The following JARID2 variants were observed in gnomAD, a reference collection of about 807,000 sequenced individuals.
The protein encoded by JARID2 is protein Jumonji.
In JARID2, 21 loss-of-function variants were observed where a neutral mutation model predicts 125.6. The observed-to-expected ratio is 0.17, with a 90% confidence interval of 0.12 to 0.24. JARID2 has a LOEUF of 0.24. Among genes scored for constraint, JARID2 ranks in the 10% least tolerant of loss-of-function variants. The pLI, the probability that JARID2 is intolerant of heterozygous loss-of-function variation, is 1.00. For synonymous variants in JARID2, 736 were observed against 661.6 expected (o/e 1.11, Z -1.73); for missense variants, 1,303 against 1,639.6 (o/e 0.79, Z 3.55).
chr6:15,506,286 G>A (rs950442241), intron 9 of JARID2, among the ~76,000 whole-genome samples: 2 of 152,224 alleles, frequency 1.3e-5, no homozygotes, highest in Admixed American at 6.5e-5. Context: ...CAAATACGCA[G>A]CAGGCTTGGG....
intron 1 of JARID2, among the ~76,000 whole-genome samples, chr6:15,361,511 A>AT (rs1763791294): frequency 6.6e-6 from 1 of 152,200 alleles, no homozygotes; most frequent in Non-Finnish European, 1.5e-5. Flanking sequence ...TTCTTGTATG[A>AT]TTGCAAACTG....
At chr6:15,398,458 G>A (rs1765297942) in intron 2 of JARID2, among the ~76,000 whole-genome samples, 1 of 152,116 alleles carries the variant, frequency 6.6e-6, no homozygotes. Context: ...TGTTATTCTT[G>A]GTCTTCCAGA....
intron 4 of JARID2, among the ~76,000 whole-genome samples, chr6:15,460,206 G>A (rs960891193): frequency 1.3e-5 from 2 of 152,178 alleles, no homozygotes; most frequent in Non-Finnish European, 2.9e-5. Context: ...TGAGGTCTGA[G>A]GAGGGGAAGG....
intron 1 of JARID2, among the ~76,000 whole-genome samples, chr6:15,323,978 C>A (rs568235574): frequency 2.0e-5 from 3 of 151,610 alleles, no homozygotes; most frequent in African/African-American, 7.3e-5. Context: ...GTCAGCAGAT[C>A]GAGACCATCC....
At chr6:15,338,921 T>C (rs1423570055) in intron 1 of JARID2, among the ~76,000 whole-genome samples, 3 of 152,164 alleles carry the variant, frequency 2.0e-5, no homozygotes, top group Non-Finnish European at 4.4e-5. Context: ...CACTAAAATA[T>C]TTGAACTCTC....
intron 1 of JARID2, among the ~76,000 whole-genome samples, chr6:15,251,808 T>A (rs1027397816): frequency 6.6e-6 from 1 of 151,946 alleles, no homozygotes; most frequent in Non-Finnish European, 1.5e-5. Context: ...TGAAACCCCG[T>A]CTCTACTAAA....
At chr6:15,367,756 G>T (rs1367284117) in intron 1 of JARID2, among the ~76,000 whole-genome samples, 1 of 152,220 alleles carries the variant, frequency 6.6e-6, no homozygotes, top group African/African-American at 2.4e-5. Context: ...GAGAAATCAT[G>T]ATTATTAAAT....
chr6:15,447,485 A>G (rs1390992505), intron 3 of JARID2, among the ~76,000 whole-genome samples: 1 of 152,224 alleles, frequency 6.6e-6, no homozygotes, highest in Non-Finnish European at 1.5e-5. Context: ...AGGAAGGCCC[A>G]TCCTGACTAC....
chr6:15,493,590 C>A (rs2127728270), intron 6 of JARID2, among the ~76,000 whole-genome samples: 1 of 152,268 alleles, frequency 6.6e-6, no homozygotes, highest in South Asian at 2.1e-4. Flanking sequence ...GAGGTGTTGT[C>A]TTTTGCTGTC....
At chr6:15,362,630 T>C (rs1295371402) in intron 1 of JARID2, among the ~76,000 whole-genome samples, 1 of 152,160 alleles carries the variant, frequency 6.6e-6, no homozygotes, top group Non-Finnish European at 1.5e-5. Flanking sequence ...CTTTATGGGC[T>C]CTGCAAGGAA....
At chr6:15,380,775 C>T (rs1017460355) in intron 2 of JARID2, among the ~76,000 whole-genome samples, 1 of 151,914 alleles carries the variant, frequency 6.6e-6, no homozygotes, top group East Asian at 1.9e-4. Flanking sequence ...AATGTGGGCC[C>T]GACTGTGAAT....
chr6:15,394,658 G>A (rs1225576963), intron 2 of JARID2, among the ~76,000 whole-genome samples: 2 of 152,168 alleles, frequency 1.3e-5, no homozygotes, highest in East Asian at 1.9e-4. Flanking sequence ...TGACAGTTTG[G>A]TAAATGTTAC....
rs561487701 is a variant in JARID2, at chr6:15,283,169, G to A, written c.45+36585G>A. On this transcript the variant is annotated intron_variant, in intron 1 of 17. Transcript: ENST00000341776. ...AATTTTTTGTATTTTTATTAGAGAC[G>A]GGGTTTCACCGTGTTAGCCAGGACG... 2.9e-4 allele frequency among the ~76,000 whole-genome samples: 44 copies of A among 149,448 alleles called. 1 individual carries two copies. In the East Asian group the frequency reaches 4.4e-3, roughly 15 times the overall value.
intron 3 of JARID2, among the ~76,000 whole-genome samples, chr6:15,415,620 CG>C (rs1334389419): frequency 6.8e-6 from 1 of 146,502 alleles, no homozygotes; most frequent in Non-Finnish European, 1.5e-5. Context: ...CCCTCCCGGT[CG>C]GGGCGGCTGG....
intron 5 of JARID2, among the ~76,000 whole-genome samples, chr6:15,481,025 A>G (rs1370770869): frequency 1.3e-5 from 2 of 152,198 alleles, no homozygotes; most frequent in African/African-American, 2.4e-5. Flanking sequence ...CTGCCTTTCA[A>G]ATTGTTACAG....
chr6:15,283,172 G>A (rs562788104), intron 1 of JARID2, among the ~76,000 whole-genome samples: 2,884 of 147,448 alleles, frequency 0.02, 43 homozygotes, highest in Non-Finnish European at 0.026. Context: ...TAGAGACGGG[G>A]TTTCACCGTG....
chr6:15,308,293 G>A (rs1309776498), intron 1 of JARID2, among the ~76,000 whole-genome samples: 1 of 152,256 alleles, frequency 6.6e-6, no homozygotes, highest in African/African-American at 2.4e-5. Context: ...GAAGGTGGGC[G>A]ATTTGAAAGT....
At chr6:15,454,406 C>CGG (rs1768059654) in intron 4 of JARID2, among the ~76,000 whole-genome samples, 1 of 152,154 alleles carries the variant, frequency 6.6e-6, no homozygotes, top group African/African-American at 2.4e-5. Flanking sequence ...GTTGTTGAGC[C>CGG]TTGAAAACAG....
chr6:15,323,711 A>G (rs1053477116), intron 1 of JARID2, among the ~76,000 whole-genome samples: 8 of 152,102 alleles, frequency 5.3e-5, no homozygotes, highest in Admixed American at 4.6e-4. Flanking sequence ...AGATCGCAAC[A>G]TGGTGAGATT....
Sources: allele counts gnomAD v4.1 joint callset (sites outside exome capture counted in the v4.1 genomes callset), GRCh38; gene constraint gnomAD v4.1.1; transcripts MANE v1.5; gene names NCBI Gene and HGNC (gene_info 2026-07-23, HGNC 2026-07-21).